Variants in GALNTL6 observed in about 807,000 individuals in gnomAD.
GALNTL6 encodes the protein polypeptide N-acetylgalactosaminyltransferase-like 6.
GALNTL6 carries 46 observed loss-of-function variants against 73.7 expected under a neutral mutation model. That is an observed-to-expected ratio of 0.62 (90% CI 0.49 to 0.80). GALNTL6 has a LOEUF of 0.80. Ranked by LOEUF, GALNTL6 falls within the 30% of genes least tolerant of loss-of-function variation. The pLI is 0.00. For synonymous variants in GALNTL6, 259 were observed against 263.7 expected (o/e 0.98, Z 0.17); for missense variants, 604 against 755.0 (o/e 0.80, Z 2.34).
At chr4:172,479,865 C>T (rs1733379739) in intron 5 of GALNTL6, among the ~76,000 whole-genome samples, 1 of 152,194 alleles carries the variant, frequency 6.6e-6, no homozygotes, top group South Asian at 2.1e-4. Flanking sequence ...AGCTATCAAG[C>T]TCCATAGAGT....
chr4:172,660,523 TTTA>T (rs1292536370), intron 5 of GALNTL6, among the ~76,000 whole-genome samples: 1 of 152,252 alleles, frequency 6.6e-6, no homozygotes, highest in Non-Finnish European at 1.5e-5. Context: ...TGCCCTTGCC[TTTA>T]TTTTCAAATG....
intron 5 of GALNTL6, among the ~76,000 whole-genome samples, chr4:172,437,325 C>A (rs1401690366): frequency 6.6e-6 from 1 of 152,072 alleles, no homozygotes; most frequent in Non-Finnish European, 1.5e-5. Flanking sequence ...TGGGTTAGCA[C>A]TTTCTTTGCT....
At chr4:171,996,730 A>G (rs1740500993) in intron 2 of GALNTL6, among the ~76,000 whole-genome samples, 1 of 146,066 alleles carries the variant, frequency 6.8e-6, no homozygotes, top group South Asian at 2.1e-4. Flanking sequence ...GAGCAAAAAA[A>G]AAAAAAAAAA....
intron 4 of GALNTL6, among the ~76,000 whole-genome samples, chr4:172,322,031 C>T (rs1740776311): frequency 6.6e-6 from 1 of 152,018 alleles, no homozygotes; most frequent in Non-Finnish European, 1.5e-5. Context: ...AGGAACATTC[C>T]GATTGGTAAG....
intron 2 of GALNTL6, among the ~76,000 whole-genome samples, chr4:172,074,902 A>G (rs1731656888): frequency 6.6e-6 from 1 of 152,186 alleles, no homozygotes; most frequent in Non-Finnish European, 1.5e-5. Context: ...TATGCTAAAG[A>G]TTCTAACTTT....
At chr4:172,117,801 A>C (rs1467288629) in intron 2 of GALNTL6, among the ~76,000 whole-genome samples, 1 of 152,194 alleles carries the variant, frequency 6.6e-6, no homozygotes, top group African/African-American at 2.4e-5. Flanking sequence ...TAGAATAAAA[A>C]GAGACGAAAT....
At chr4:172,829,068 G>A (rs181538433) in intron 7 of GALNTL6, among the ~76,000 whole-genome samples, 209 of 152,296 alleles carry the variant, frequency 1.4e-3, no homozygotes, top group South Asian at 2.7e-3. Context: ...TCGCTCTGGT[G>A]TACTCCCGTG....
chr4:172,681,780 C>T (rs144150831), intron 5 of GALNTL6, among the ~76,000 whole-genome samples: 64 of 152,274 alleles, frequency 4.2e-4, no homozygotes, highest in African/African-American at 1.5e-3. Context: ...AGTCCCAGTG[C>T]TCTTTCCCTT....
intron 5 of GALNTL6, among the ~76,000 whole-genome samples, chr4:172,452,446 G>A (rs77452798): frequency 0.018 from 2,777 of 152,062 alleles, 39 homozygotes; most frequent in Middle Eastern, 0.082. Context: ...TAACCCCTCT[G>A]GACCTCAGTG....
intron 7 of GALNTL6, among the ~76,000 whole-genome samples, chr4:172,881,735 G>A (rs1247505859): frequency 6.6e-6 from 1 of 152,160 alleles, no homozygotes; most frequent in African/African-American, 2.4e-5. Context: ...CTTCAGTTAT[G>A]TGTTTTTATC....
chr4:172,293,842 TA>T (rs1218771803), intron 3 of GALNTL6, among the ~76,000 whole-genome samples: 1 of 151,450 alleles, frequency 6.6e-6, no homozygotes, highest in Non-Finnish European at 1.5e-5. Flanking sequence ...ACTTTTTTTT[TA>T]AATTGAAAAT....
At chr4:172,090,046 C>T (rs1348692787) in intron 2 of GALNTL6, among the ~76,000 whole-genome samples, 1 of 152,150 alleles carries the variant, frequency 6.6e-6, no homozygotes, top group Non-Finnish European at 1.5e-5. Flanking sequence ...CTTTTTATGG[C>T]TGCATAGTAT....
intron 2 of GALNTL6, among the ~76,000 whole-genome samples, chr4:171,826,361 CT>C (rs1163115197): frequency 1.3e-5 from 2 of 152,180 alleles, no homozygotes; most frequent in African/African-American, 2.4e-5. Context: ...ACATCTCTAG[CT>C]TTAAGATAAA....
chr4:173,007,609 C>G (rs958866081), intron 10 of GALNTL6, among the ~76,000 whole-genome samples: 4 of 152,118 alleles, frequency 2.6e-5, no homozygotes, highest in African/African-American at 9.7e-5. Context: ...GAGTTCAAGA[C>G]CAGCCTGGCC....
intron 5 of GALNTL6, among the ~76,000 whole-genome samples, chr4:172,489,306 A>T (rs1579122087): frequency 6.6e-6 from 1 of 152,250 alleles, no homozygotes; most frequent in South Asian, 2.1e-4. Context: ...ATATGAAAAG[A>T]AAAACATTAG....
At chr4:173,007,668 T>A (rs1752363841) in intron 10 of GALNTL6, among the ~76,000 whole-genome samples, 1 of 152,136 alleles carries the variant, frequency 6.6e-6, no homozygotes, top group African/African-American at 2.4e-5. Flanking sequence ...TAGCTTGGCG[T>A]GGTGGCACAC....
chr4:172,013,015 G>T (rs1741069689), intron 2 of GALNTL6, among the ~76,000 whole-genome samples: 1 of 151,828 alleles, frequency 6.6e-6, no homozygotes, highest in African/African-American at 2.4e-5. Flanking sequence ...TTATAGCTTT[G>T]CATATGGTAT....
intron 4 of GALNTL6, among the ~76,000 whole-genome samples, chr4:172,332,185 T>G (rs550597055): frequency 2.6e-4 from 39 of 152,238 alleles, no homozygotes; most frequent in African/African-American, 8.9e-4. Flanking sequence ...AATGTTTAAG[T>G]AATTATCTCA....
At chr4:171,918,323 TAAATA>T (rs375629442) in intron 2 of GALNTL6, among the ~76,000 whole-genome samples, 6 of 152,054 alleles carry the variant, frequency 3.9e-5, no homozygotes, top group East Asian at 1.9e-4. Context: ...CTGATATGTA[TAAATA>T]AAATAAAAAT....
Sources: allele counts gnomAD v4.1 joint callset (sites outside exome capture counted in the v4.1 genomes callset), GRCh38; gene constraint gnomAD v4.1.1; transcripts MANE v1.5; gene names NCBI Gene and HGNC (gene_info 2026-07-23, HGNC 2026-07-21).